PLXNA4: variants seen among roughly 807,000 people sequenced by gnomAD.
PLXNA4 encodes plexin A4, also known as plexin-A4.
In PLXNA4, 44 loss-of-function variants were observed where a neutral mutation model predicts 191.8. The observed-to-expected ratio is 0.23, with a 90% CI of 0.18 to 0.29. PLXNA4 has a LOEUF of 0.29. Ranked by LOEUF, PLXNA4 falls within the 10% of genes least tolerant of loss-of-function variation. The pLI is 1.00. For missense variants in PLXNA4, 1,800 were observed against 2,488.8 expected (o/e 0.72, Z 5.89); for synonymous variants, 1,082 against 1,009.5 (o/e 1.07, Z -1.36).
At chr7:132,347,376 C>G (rs562077710) in intron 3 of PLXNA4, among the ~76,000 whole-genome samples, 8 of 152,120 alleles carry the variant, frequency 5.3e-5, no homozygotes, top group African/African-American at 1.4e-4. Flanking sequence ...AAGCAAGACA[C>G]GAAAGGAGGG....
At chr7:132,137,798 G>C (rs1485948918) in intron 30 of PLXNA4, among the ~76,000 whole-genome samples, 2 of 151,430 alleles carry the variant, frequency 1.3e-5, no homozygotes, top group Admixed American at 6.6e-5. Flanking sequence ...CAGGAGTGAG[G>C]GCAGGTGGGA....
At chr7:132,381,138 C>A (rs1039113430) in intron 3 of PLXNA4, among the ~76,000 whole-genome samples, 1 of 152,204 alleles carries the variant, frequency 6.6e-6, no homozygotes, top group Non-Finnish European at 1.5e-5. Flanking sequence ...CTGTTACTGG[C>A]AACAGGTAGC....
At chr7:132,224,181 C>T (rs1798237232) in intron 8 of PLXNA4, among the ~76,000 whole-genome samples, 1 of 152,156 alleles carries the variant, frequency 6.6e-6, no homozygotes. Flanking sequence ...TCCTTAAAAG[C>T]CCAACATGGT....
intron 9 of PLXNA4, among the ~76,000 whole-genome samples, chr7:132,217,353 C>T (rs73155292): frequency 0.033 from 5,051 of 152,296 alleles, 99 homozygotes; most frequent in Middle Eastern, 0.065. Context: ...GAAAAGGCTG[C>T]CTTCAGGGCT....
chr7:132,297,993 A>T, intron 4 of PLXNA4, 98 bp downstream of exon 4: 1 of 1,488,604 alleles, frequency 6.7e-7, no homozygotes. Flanking sequence ...AAATAAATCA[A>T]ATCACCTCTC....
chr7:132,256,778 A>C (rs10259380), intron 4 of PLXNA4, among the ~76,000 whole-genome samples: 88,427 of 151,994 alleles, frequency 0.58, 27,044 homozygotes, highest in African/African-American at 0.77. Flanking sequence ...GGTTTGGGAC[A>C]ACTGGCCTTG....
At chr7:132,289,171 AC>A (rs1050808732) in intron 4 of PLXNA4, among the ~76,000 whole-genome samples, 17 of 152,124 alleles carry the variant, frequency 1.1e-4, no homozygotes, top group Non-Finnish European at 5.9e-5. Flanking sequence ...CAATTTCACA[AC>A]CCCAAACAAA....
chr7:132,545,326 G>A (rs750664175), intron 1 of PLXNA4, among the ~76,000 whole-genome samples: 1 of 152,216 alleles, frequency 6.6e-6, no homozygotes, highest in Non-Finnish European at 1.5e-5. Flanking sequence ...AGGAGAATGA[G>A]GTTGAACAAA....
intron 5 of PLXNA4, among the ~76,000 whole-genome samples, chr7:132,231,160 T>C (rs1798511252): frequency 6.6e-6 from 1 of 152,194 alleles, no homozygotes; most frequent in Non-Finnish European, 1.5e-5. Flanking sequence ...TTGGGCAAAT[T>C]ACTTAACTTC....
intron 3 of PLXNA4, among the ~76,000 whole-genome samples, chr7:132,371,462 A>C (rs1157392309): frequency 2.0e-5 from 3 of 152,136 alleles, no homozygotes; most frequent in Non-Finnish European, 2.9e-5. Context: ...CCTGCCAATG[A>C]TGTCAGTACC....
At chr7:132,504,120 A>G (rs1585236473) in intron 2 of PLXNA4, among the ~76,000 whole-genome samples, 1 of 152,180 alleles carries the variant, frequency 6.6e-6, no homozygotes, top group African/African-American at 2.4e-5. Context: ...CTCATCTCCA[A>G]TGGGAGCACA....
At chr7:132,475,733 A>C (rs1797100333) in intron 3 of PLXNA4, among the ~76,000 whole-genome samples, 1 of 151,280 alleles carries the variant, frequency 6.6e-6, no homozygotes, top group Non-Finnish European at 1.5e-5. Context: ...TAACATGCAA[A>C]TTGAAGGCAG....
At chr7:132,409,516 A>G (rs1320850973) in intron 3 of PLXNA4, among the ~76,000 whole-genome samples, 1 of 152,186 alleles carries the variant, frequency 6.6e-6, no homozygotes, top group Non-Finnish European at 1.5e-5. Context: ...TCCTTCGATC[A>G]TCCCAGAGTG....
intron 3 of PLXNA4, among the ~76,000 whole-genome samples, chr7:132,343,304 T>C (rs1452358161): frequency 1.3e-5 from 2 of 152,212 alleles, no homozygotes; most frequent in African/African-American, 2.4e-5. Context: ...GTTAAGAACA[T>C]TCACATTGTT....
intron 3 of PLXNA4, chr7:132,367,493 G>GGGGTGAAGGTATTGGGAAGAAA (rs1804236075): frequency 6.6e-6 from 1 of 152,248 alleles, no homozygotes. Context: ...GAAGAAAGGG[G>GGGGTGAAGGTATTGGGAAGAAA]GGGTGAAGGT....
chr7:132,194,052 C>A lies in PLXNA4; in HGVS notation c.2856+10G>T, dbSNP rs751471397. On this transcript the variant is annotated intron_variant, in intron 14 of 31. Coordinates refer to ENST00000321063, the MANE Select transcript of PLXNA4 (RefSeq NM_020911.2). The stretch of plus-strand genomic sequence containing the variant: ...TGCACCCAGCCAGATCACTGCTGGC[C>A]AAGACTCACCATGAAGTAATAGAGC... 4 of 1,612,062 alleles carry A rather than the reference C, an allele frequency of 2.5e-6. No homozygotes were observed. Among genetic ancestry groups the A allele is most frequent in the South Asian group, 1.1e-5 (1 of 90,784 alleles).
intron 3 of PLXNA4, among the ~76,000 whole-genome samples, chr7:132,457,094 T>G (rs537896103): frequency 6.6e-6 from 1 of 152,334 alleles, no homozygotes; most frequent in South Asian, 2.1e-4. Context: ...ATAGCACAAT[T>G]GCAAAGTTAA....
intron 2 of PLXNA4, among the ~76,000 whole-genome samples, chr7:132,506,234 C>T (rs1387432389): frequency 6.6e-6 from 1 of 152,162 alleles, no homozygotes; most frequent in Non-Finnish European, 1.5e-5. Context: ...AGAGTGATGG[C>T]CTCTCCACAC....
chr7:132,629,303 T>C (rs1370774793), intron 2 of PLXNA4, among the ~76,000 whole-genome samples: 3 of 152,234 alleles, frequency 2.0e-5, no homozygotes, highest in Admixed American at 2.0e-4. Context: ...AGAGACTCTC[T>C]TGTACGACTT....
Sources: allele counts gnomAD v4.1 joint callset (sites outside exome capture counted in the v4.1 genomes callset), GRCh38; gene constraint gnomAD v4.1.1; transcripts MANE v1.5; gene names NCBI Gene and HGNC (gene_info 2026-07-23, HGNC 2026-07-21).